The following PAPSS2 variants were observed in gnomAD, a reference collection of about 807,000 sequenced individuals.
PAPSS2 encodes bifunctional 3'-phosphoadenosine 5'-phosphosulfate synthase 2.
A neutral mutation model predicts 66.5 loss-of-function variants in PAPSS2; 61 were observed. That is an observed-to-expected ratio of 0.92 (90% CI 0.75 to 1.14). The LOEUF (loss-of-function observed/expected upper bound fraction) is 1.14. Among genes scored for constraint, PAPSS2 ranks in the 50% most tolerant of loss-of-function variants. The pLI, the probability that PAPSS2 is intolerant of heterozygous loss-of-function variation, is 0.00. For missense variants in PAPSS2, 708 were observed against 789.6 expected, an observed-to-expected ratio of 0.90 and a Z score of 1.24; for synonymous variants, 289 against 287.5, an observed-to-expected ratio of 1.01 and a Z score of -0.05.
intron 9 of PAPSS2, among the ~76,000 whole-genome samples, chr10:87,734,253 A>T (rs926368888): frequency 6.6e-6 from 1 of 151,820 alleles, no homozygotes; most frequent in African/African-American, 2.4e-5. Context: ...TCATCCTTCA[A>T]CCTGGCACAC....
chr10:87,711,051 AATTT>A (rs1206575003), intron 2 of PAPSS2, among the ~76,000 whole-genome samples: 4 of 152,188 alleles, frequency 2.6e-5, no homozygotes, highest in Admixed American at 1.3e-4. Flanking sequence ...ATCTTTTTCT[AATTT>A]ATTTTTTATT....
chr10:87,673,164 T>A (rs1852900703), intron 1 of PAPSS2, among the ~76,000 whole-genome samples: 1 of 152,264 alleles, frequency 6.6e-6, no homozygotes, highest in Admixed American at 6.5e-5. Flanking sequence ...GTACTAGCTG[T>A]ACTTCATGAG....
chr10:87,707,571 T>C (rs911887100), intron 1 of PAPSS2, among the ~76,000 whole-genome samples: 44 of 140,016 alleles, frequency 3.1e-4, no homozygotes, highest in Middle Eastern at 3.6e-3. Context: ...TTTCTTTTTT[T>C]TTTTTTTTTT....
chr10:87,708,491 A>G (rs1185640982), intron 1 of PAPSS2, among the ~76,000 whole-genome samples: 2 of 152,144 alleles, frequency 1.3e-5, no homozygotes, highest in Non-Finnish European at 2.9e-5. Flanking sequence ...CTGGCTCTAT[A>G]GGGACTGGGG....
intron 9 of PAPSS2, among the ~76,000 whole-genome samples, chr10:87,739,477 C>T (rs1253550453): frequency 6.6e-6 from 1 of 152,186 alleles, no homozygotes; most frequent in Non-Finnish European, 1.5e-5. Flanking sequence ...CAATAATTAA[C>T]TGGAAGAAAA....
intron 1 of PAPSS2, among the ~76,000 whole-genome samples, chr10:87,689,359 A>C (rs941893250): frequency 2.6e-5 from 4 of 151,106 alleles, no homozygotes; most frequent in African/African-American, 9.7e-5. Context: ...AAAAAAACAA[A>C]AAAAACCCAC....
At chr10:87,710,680 G>A (rs1162721087) in intron 2 of PAPSS2, among the ~76,000 whole-genome samples, 34 of 152,158 alleles carry the variant, frequency 2.2e-4, no homozygotes, top group Admixed American at 2.2e-3. Context: ...TTCTTCATTA[G>A]AGGAAGAAAA....
chr10:87,677,983 C>A (rs1465561066), intron 1 of PAPSS2, among the ~76,000 whole-genome samples: 10 of 151,836 alleles, frequency 6.6e-5, no homozygotes, highest in Admixed American at 6.6e-4. Flanking sequence ...TTTGATGGAG[C>A]AAAGATTTAA....
At chr10:87,675,377 C>G (rs1852931270) in intron 1 of PAPSS2, among the ~76,000 whole-genome samples, 1 of 152,148 alleles carries the variant, frequency 6.6e-6, no homozygotes, top group African/African-American at 2.4e-5. Flanking sequence ...ATTTTCAAAA[C>G]TTGGTATGTG....
intron 1 of PAPSS2, among the ~76,000 whole-genome samples, chr10:87,682,559 G>T (rs1853035187): frequency 6.6e-6 from 1 of 152,060 alleles, no homozygotes; most frequent in Admixed American, 6.6e-5. Flanking sequence ...CAGATATTTT[G>T]TGTTAGAGAA....
intron 1 of PAPSS2, among the ~76,000 whole-genome samples, chr10:87,662,653 G>C (rs1852767261): frequency 6.6e-6 from 1 of 151,830 alleles, no homozygotes; most frequent in South Asian, 2.1e-4. Flanking sequence ...AAAGGCCTGG[G>C]CCTTTCCTCT....
intron 8 of PAPSS2, among the ~76,000 whole-genome samples, chr10:87,726,060 C>T (rs1013336874): frequency 6.6e-6 from 1 of 152,058 alleles, no homozygotes; most frequent in African/African-American, 2.4e-5. Flanking sequence ...ACATTTTTTA[C>T]AAGTGCATGA....
At chr10:87,676,485 C>T (rs537315841) in intron 1 of PAPSS2, among the ~76,000 whole-genome samples, 3 of 152,236 alleles carry the variant, frequency 2.0e-5, no homozygotes, top group Admixed American at 2.0e-4. Flanking sequence ...ACCTCAAGGG[C>T]AGAAATCCTG....
chr10:87,703,262 T>A (rs1853340473), intron 1 of PAPSS2, among the ~76,000 whole-genome samples: 1 of 146,914 alleles, frequency 6.8e-6, no homozygotes, highest in Non-Finnish European at 1.5e-5. Context: ...GCAGCAATAA[T>A]GACAACAACA....
chr10:87,671,015 C>A (rs1852870651), intron 1 of PAPSS2, among the ~76,000 whole-genome samples: 1 of 152,132 alleles, frequency 6.6e-6, no homozygotes, highest in African/African-American at 2.4e-5. Context: ...CAGGGACTAT[C>A]CATACAGTAT....
intron 1 of PAPSS2, among the ~76,000 whole-genome samples, chr10:87,701,985 A>G (rs1853325095): frequency 6.6e-6 from 1 of 152,220 alleles, no homozygotes; most frequent in Admixed American, 6.5e-5. Flanking sequence ...GCAGTATACA[A>G]TGAGACCTAC....
At chr10:87,697,584 G>A (rs893319203) in intron 1 of PAPSS2, among the ~76,000 whole-genome samples, 3 of 152,192 alleles carry the variant, frequency 2.0e-5, no homozygotes, top group African/African-American at 7.2e-5. Context: ...GCTGCCTCAA[G>A]CAATTTCACT....
At chr10:87,688,477 T>C (rs1261853336) in intron 1 of PAPSS2, among the ~76,000 whole-genome samples, 2 of 151,416 alleles carry the variant, frequency 1.3e-5, no homozygotes, top group Non-Finnish European at 2.9e-5. Flanking sequence ...ATTTATTTAT[T>C]GAGACTAAGT....
chr10:87,719,232 TGA>T (rs1163669890), intron 7 of PAPSS2, among the ~76,000 whole-genome samples: 4 of 152,196 alleles, frequency 2.6e-5, no homozygotes, highest in African/African-American at 9.7e-5. Context: ...TCACAGTGGA[TGA>T]GAGTGTGAGC....
Sources: gnomAD v4.1 joint callset for allele counts (sites outside exome capture counted in the v4.1 genomes callset) on GRCh38, gnomAD v4.1.1 for gene constraint, MANE v1.5 for transcripts, NCBI Gene and HGNC (gene_info 2026-07-23, HGNC 2026-07-21) for gene names.